The following DLC1 variants were observed in gnomAD, a reference collection of about 807,000 sequenced individuals.
The protein encoded by DLC1 is DLC1 Rho GTPase activating protein, also known as rho GTPase-activating protein 7.
DLC1 carries 54 observed loss-of-function variants against 140.3 expected under a neutral mutation model. The observed-to-expected ratio is 0.38, with a 90% CI of 0.31 to 0.48. The LOEUF (loss-of-function observed/expected upper bound fraction) is 0.48, where lower values mean the gene tolerates loss of function less well. DLC1 is among the 20% of genes least tolerant of loss of function. DLC1 has a pLI of 0.96. For missense variants in DLC1, 2,536 were observed against 1,907.0 expected, an observed-to-expected ratio of 1.33 and a Z score of -6.14; for synonymous variants, 986 against 728.1, an observed-to-expected ratio of 1.35 and a Z score of -5.70.
chr8:13,154,712 C>T (rs970607047), intron 5 of DLC1, among the ~76,000 whole-genome samples: 8 of 152,258 alleles, frequency 5.3e-5, no homozygotes, highest in South Asian at 2.1e-4. Flanking sequence ...CCTGAGGAGG[C>T]GCCGAGAGCG....
At chr8:13,296,371 C>G (rs1831954270) in intron 5 of DLC1, among the ~76,000 whole-genome samples, 1 of 152,086 alleles carries the variant, frequency 6.6e-6, no homozygotes, top group Non-Finnish European at 1.5e-5. Context: ...ATTAATTTTT[C>G]TACTGATAAG....
intron 5 of DLC1, among the ~76,000 whole-genome samples, chr8:13,248,568 C>T (rs971722843): frequency 3.3e-5 from 5 of 152,134 alleles, no homozygotes; most frequent in Admixed American, 2.0e-4. Flanking sequence ...GCAGCCTCAC[C>T]GTGGGAGGCA....
chr8:13,266,494 C>T (rs1028572996), intron 5 of DLC1, among the ~76,000 whole-genome samples: 4 of 152,148 alleles, frequency 2.6e-5, no homozygotes, highest in African/African-American at 9.7e-5. Flanking sequence ...CCTGTAATTC[C>T]AGCACTTTGG....
chr8:13,498,514 G>A (rs972985577), intron 2 of DLC1, among the ~76,000 whole-genome samples: 18 of 152,104 alleles, frequency 1.2e-4, no homozygotes, highest in African/African-American at 4.3e-4. Flanking sequence ...GTGTGCCAGG[G>A]TATCACTTAA....
intron 2 of DLC1, among the ~76,000 whole-genome samples, chr8:13,456,412 A>G (rs1475043810): frequency 6.6e-6 from 1 of 151,928 alleles, no homozygotes; most frequent in Non-Finnish European, 1.5e-5. Flanking sequence ...GGGAGTTGAC[A>G]GGTAGTAGAT....
At chr8:13,434,069 G>C (rs138798077) in intron 2 of DLC1, among the ~76,000 whole-genome samples, 41 of 152,262 alleles carry the variant, frequency 2.7e-4, no homozygotes, top group African/African-American at 9.6e-4. Flanking sequence ...TTGAGATGGA[G>C]TTTCACCATG....
chr8:13,600,641 C>T (rs1347239879), intron 1 of DLC1, among the ~76,000 whole-genome samples: 3 of 151,938 alleles, frequency 2.0e-5, no homozygotes, highest in African/African-American at 7.2e-5. Context: ...ACTATTTTCT[C>T]TCTAATGAAA....
At chr8:13,362,780 T>G (rs1381082681) in intron 4 of DLC1, among the ~76,000 whole-genome samples, 1 of 152,194 alleles carries the variant, frequency 6.6e-6, no homozygotes, top group Admixed American at 6.5e-5. Flanking sequence ...AGCATTCTAC[T>G]GTCTTTCCTG....
At chr8:13,224,356 G>A (rs1231366553) in intron 5 of DLC1, among the ~76,000 whole-genome samples, 2 of 152,200 alleles carry the variant, frequency 1.3e-5, no homozygotes, top group Non-Finnish European at 2.9e-5. Flanking sequence ...CGGTTGGTCA[G>A]AAGAACTTGT....
In DLC1 at chr8:13,230,142, G is replaced by A. The variant is rs1279466837; in HGVS notation, c.1348+75127C>T. 3.3e-5 allele frequency among the ~76,000 whole-genome samples: 5 copies of A among 152,284 alleles called. No homozygotes were observed. The East Asian group carries it at 7.7e-4, about 24-fold the overall frequency. On this transcript the variant is annotated intron_variant, in intron 5 of 17. Transcript: ENST00000276297. The stretch of plus-strand genomic sequence containing the variant: ...CATGCACACCAAACAGGCGAGAAAC[G>A]GCATTGTCTAAGAAAGGACTTTGAT...
chr8:13,587,578 GAA>G (rs1805370583), intron 1 of DLC1, among the ~76,000 whole-genome samples: 3 of 136,762 alleles, frequency 2.2e-5, no homozygotes, highest in African/African-American at 5.4e-5. Context: ...CAGAGAGAGA[GAA>G]AATATATATA....
intron 5 of DLC1, among the ~76,000 whole-genome samples, chr8:13,135,534 A>G (rs968468812): frequency 6.6e-6 from 1 of 151,984 alleles, no homozygotes. Flanking sequence ...GCATTTTGAA[A>G]AGATCGCTCA....
chr8:13,318,686 T>A (rs966193361), intron 4 of DLC1, among the ~76,000 whole-genome samples: 13 of 152,200 alleles, frequency 8.5e-5, no homozygotes, highest in Non-Finnish European at 1.5e-4. Flanking sequence ...AAGAAGTAAT[T>A]GAACACTGAT....
chr8:13,107,057 T>C (rs1819624960), intron 7 of DLC1, among the ~76,000 whole-genome samples: 1 of 152,286 alleles, frequency 6.6e-6, no homozygotes, highest in East Asian at 1.9e-4. Flanking sequence ...CATTATATAG[T>C]AAAGCTAGCA....
chr8:13,205,515 G>A (rs1827617556), intron 5 of DLC1, among the ~76,000 whole-genome samples: 2 of 151,920 alleles, frequency 1.3e-5, no homozygotes, highest in Admixed American at 6.6e-5. Flanking sequence ...AAGGGCGGGG[G>A]GCCCAAACTT....
intron 4 of DLC1, among the ~76,000 whole-genome samples, chr8:13,355,125 TTA>T (rs1834869229): frequency 6.6e-6 from 1 of 151,772 alleles, no homozygotes; most frequent in Non-Finnish European, 1.5e-5. Flanking sequence ...AAAGAATTAA[TTA>T]TTCAAATAGT....
At chr8:13,244,216 T>C (rs1035056753) in intron 5 of DLC1, among the ~76,000 whole-genome samples, 1 of 152,218 alleles carries the variant, frequency 6.6e-6, no homozygotes. Context: ...ACAGTGACTT[T>C]TAAGGACCCT....
At chr8:13,429,479 G>T (rs146213960) in intron 2 of DLC1, among the ~76,000 whole-genome samples, 1 of 152,268 alleles carries the variant, frequency 6.6e-6, no homozygotes, top group East Asian at 1.9e-4. Flanking sequence ...ATTTGTAGTC[G>T]TTGAAAACCA....
At chr8:13,354,045 T>A (rs1834809293) in intron 4 of DLC1, among the ~76,000 whole-genome samples, 1 of 150,908 alleles carries the variant, frequency 6.6e-6, no homozygotes, top group Non-Finnish European at 1.5e-5. Context: ...TACTGAACTT[T>A]TTTTTTTTCT....
Sources: allele counts gnomAD v4.1 joint callset (sites outside exome capture counted in the v4.1 genomes callset), GRCh38; gene constraint gnomAD v4.1.1; transcripts MANE v1.5; gene names NCBI Gene and HGNC (gene_info 2026-07-23, HGNC 2026-07-21).